Variants in RBFOX1 observed in about 807,000 individuals in gnomAD.
RBFOX1 encodes RNA binding fox-1 homolog 1.
A neutral mutation model predicts 57.7 loss-of-function variants in RBFOX1; 8 were observed. The observed-to-expected ratio is 0.14, with a 90% CI of 0.08 to 0.25. The LOEUF is 0.25. Ranked by LOEUF, RBFOX1 falls within the 10% of genes least tolerant of loss-of-function variation. RBFOX1 has a pLI of 1.00. For missense variants in RBFOX1, 611 were observed against 548.5 expected, an observed-to-expected ratio of 1.11 and a Z score of -1.14; for synonymous variants, 326 against 222.4, an observed-to-expected ratio of 1.47 and a Z score of -4.15.
intron 3 of RBFOX1, among the ~76,000 whole-genome samples, chr16:5,811,102 C>T (rs932622059): frequency 6.7e-6 from 1 of 149,928 alleles, no homozygotes; most frequent in African/African-American, 2.5e-5. Context: ...CATTGGTTTG[C>T]AGTTTTTAGA....
intron 14 of RBFOX1, among the ~76,000 whole-genome samples, chr16:7,677,185 A>G (rs2073590854): frequency 7.3e-6 from 1 of 136,924 alleles, no homozygotes; most frequent in Non-Finnish European, 1.6e-5. Context: ...ATGGTCTTCC[A>G]CATAAGACCA....
intron 3 of RBFOX1, among the ~76,000 whole-genome samples, chr16:6,861,491 C>CG (rs955137666): frequency 2.6e-5 from 4 of 151,204 alleles, no homozygotes; most frequent in Non-Finnish European, 5.9e-5. Context: ...ACCCCCTCCC[C>CG]CCCCGACTCA....
chr16:7,354,530 A>T (rs1009374844), intron 4 of RBFOX1, among the ~76,000 whole-genome samples: 5 of 152,158 alleles, frequency 3.3e-5, no homozygotes, highest in African/African-American at 1.2e-4. Flanking sequence ...TGGAAAAAAA[A>T]CTACTTCCTA....
At chr16:6,401,015 C>G (rs556838141) in intron 2 of RBFOX1, among the ~76,000 whole-genome samples, 3 of 152,140 alleles carry the variant, frequency 2.0e-5, no homozygotes, top group African/African-American at 7.2e-5. Context: ...CTTGGAAACT[C>G]CAGGAGTAAT....
chr16:7,371,274 C>G (rs546695957), intron 4 of RBFOX1, among the ~76,000 whole-genome samples: 1 of 152,320 alleles, frequency 6.6e-6, no homozygotes, highest in South Asian at 2.1e-4. Context: ...AGTCCTACCA[C>G]TGAGATTAAC....
At chr16:5,630,931 T>C (rs1159733150) in intron 3 of RBFOX1, among the ~76,000 whole-genome samples, 1 of 152,196 alleles carries the variant, frequency 6.6e-6, no homozygotes, top group Non-Finnish European at 1.5e-5. Flanking sequence ...ATTTTCTCCA[T>C]CTATTCCAAA....
Position 6,911,613 on chromosome 16 carries a change from A to G in RBFOX1, c.-15-140444A>G, listed in dbSNP as rs565215777. On this transcript the variant is annotated intron_variant, in intron 3 of 15. Transcript: ENST00000550418. ...ACCTCTGTAAAGACCCTGCTTCCAA[A>G]TCACGTCTCACAGATCCTAAGGGGT... Among the ~76,000 whole-genome samples the G allele has an allele frequency of 1.8e-3, 281 of 152,304 alleles. 1 individual carries two copies. The highest frequency in any genetic ancestry group is 6.5e-3 in the African/African-American group (270 of 41,556).
intron 1 of RBFOX1, among the ~76,000 whole-genome samples, chr16:6,243,911 C>G (rs1207265444): frequency 1.3e-5 from 2 of 152,144 alleles, no homozygotes; most frequent in African/African-American, 2.4e-5. Flanking sequence ...TATCAACACT[C>G]ATGTTGGATC....
intron 1 of RBFOX1, among the ~76,000 whole-genome samples, chr16:6,117,941 A>G (rs945090940): frequency 7.9e-5 from 12 of 152,198 alleles, no homozygotes; most frequent in Non-Finnish European, 1.2e-4. Context: ...GTTGGTGATA[A>G]AGCGAAATAT....
At chr16:5,953,487 C>T (rs894781127) in intron 4 of RBFOX1, among the ~76,000 whole-genome samples, 5 of 151,942 alleles carry the variant, frequency 3.3e-5, no homozygotes, top group African/African-American at 1.2e-4. Flanking sequence ...TATCCCTCAC[C>T]TCCTTCCCAC....
At chr16:7,278,832 T>C (rs145899364) in intron 4 of RBFOX1, among the ~76,000 whole-genome samples, 2 of 152,374 alleles carry the variant, frequency 1.3e-5, no homozygotes, top group Non-Finnish European at 2.9e-5. Context: ...CAATGAATTA[T>C]GGAGCTGGGC....
At chr16:5,492,676 TCTTCAGCTTTC>T (rs761002427) in intron 2 of RBFOX1, among the ~76,000 whole-genome samples, 119 of 152,332 alleles carry the variant, frequency 7.8e-4, no homozygotes, top group Non-Finnish European at 1.5e-3. Context: ...ACAGTGCTTG[TCTTCAGCTTTC>T]CAAAGCAGGG....
intron 1 of RBFOX1, among the ~76,000 whole-genome samples, chr16:5,278,983 T>G (rs769218233): frequency 6.6e-6 from 1 of 152,224 alleles, no homozygotes; most frequent in Non-Finnish European, 1.5e-5. Flanking sequence ...CTGTTTTGGT[T>G]ACTATAGCTT....
chr16:5,758,570 A>T (rs1294394738), intron 3 of RBFOX1, among the ~76,000 whole-genome samples: 1 of 152,170 alleles, frequency 6.6e-6, no homozygotes, highest in East Asian at 1.9e-4. Context: ...TTACAGTGAC[A>T]CTCTTAGAAT....
At chr16:5,895,505 G>A (rs923164897) in intron 4 of RBFOX1, among the ~76,000 whole-genome samples, 3 of 152,212 alleles carry the variant, frequency 2.0e-5, no homozygotes, top group Non-Finnish European at 2.9e-5. Flanking sequence ...AGAGGACTCT[G>A]CGTTTTCATT....
chr16:7,690,605 C>G (rs1264067664), intron 14 of RBFOX1, among the ~76,000 whole-genome samples: 1 of 152,120 alleles, frequency 6.6e-6, no homozygotes, highest in Admixed American at 6.6e-5. Context: ...GACCCTGGTA[C>G]CAGCCTTCTT....
In RBFOX1 at chr16:5,737,452, C is replaced by T. The variant is rs573296879; in HGVS notation, c.319-129851C>T. 2.0e-5 allele frequency among the ~76,000 whole-genome samples: 3 copies of T among 151,782 alleles called. No homozygotes were observed. The South Asian group carries it at 6.2e-4, about 32-fold the overall frequency. On this transcript the variant is annotated intron_variant, in intron 3 of 19. Coordinates refer to the RBFOX1 transcript ENST00000641259. ...AGTGAGTCGAGATCATGCTGCTACA[C>T]TGCAGCGTGGGCAACAGAGTGAGAC...
At chr16:7,149,988 C>T (rs1303361778) in intron 4 of RBFOX1, among the ~76,000 whole-genome samples, 1 of 152,134 alleles carries the variant, frequency 6.6e-6, no homozygotes, top group Non-Finnish European at 1.5e-5. Flanking sequence ...GGTATTTCCT[C>T]TGCTAGAACC....
intron 3 of RBFOX1, among the ~76,000 whole-genome samples, chr16:6,817,073 A>G (rs924114068): frequency 2.0e-5 from 3 of 152,120 alleles, no homozygotes; most frequent in Non-Finnish European, 2.9e-5. Flanking sequence ...TTGCAAATCA[A>G]TGAATTGGAC....
Sources: gnomAD v4.1 joint callset for allele counts (sites outside exome capture counted in the v4.1 genomes callset) on GRCh38, gnomAD v4.1.1 for gene constraint, MANE v1.5 for transcripts, NCBI Gene and HGNC (gene_info 2026-07-23, HGNC 2026-07-21) for gene names.